PCDH15: variants seen among roughly 807,000 people sequenced by gnomAD.
PCDH15 encodes protocadherin-15.
In PCDH15, 129 loss-of-function variants were observed where a neutral mutation model predicts 178.5. The ratio of observed to expected loss-of-function variants is 0.72; its 90% CI spans 0.63 to 0.84. PCDH15 has a LOEUF of 0.84. Ranked by LOEUF, PCDH15 falls within the 40% of genes least tolerant of loss-of-function variation. The probability of loss-of-function intolerance (pLI) is 0.00; values close to 1 mark genes in which losing one functional copy is unlikely to be tolerated. For synonymous variants in PCDH15, 800 were observed against 732.0 expected (o/e 1.09, Z -1.50); for missense variants, 2,230 against 2,099.9 (o/e 1.06, Z -1.21).
chr10:54,115,527 C>G (rs907729125), intron 15 of PCDH15, among the ~76,000 whole-genome samples: 1 of 152,198 alleles, frequency 6.6e-6, no homozygotes, highest in Admixed American at 6.5e-5. Flanking sequence ...CAAGGTCAAG[C>G]AGCTTTCTGA....
At chr10:54,809,944 A>C (rs1952837927) in intron 3 of PCDH15, among the ~76,000 whole-genome samples, 1 of 152,154 alleles carries the variant, frequency 6.6e-6, no homozygotes, top group Non-Finnish European at 1.5e-5. Context: ...TAGTTTTAAG[A>C]CTTAAAAGTA....
At chr10:55,536,628 G>A (rs559096118) in intron 2 of PCDH15, among the ~76,000 whole-genome samples, 14 of 152,088 alleles carry the variant, frequency 9.2e-5, no homozygotes, top group East Asian at 5.8e-4. Context: ...TCTCTCACCT[G>A]GGGAGAGAAA....
At chr10:54,302,242 G>C (rs535031551) in intron 8 of PCDH15, among the ~76,000 whole-genome samples, 1 of 152,222 alleles carries the variant, frequency 6.6e-6, no homozygotes, top group East Asian at 1.9e-4. Flanking sequence ...ATGTTATTTA[G>C]GTGGTAAAAT....
At chr10:54,948,182 G>A (rs1239366324) in intron 2 of PCDH15, among the ~76,000 whole-genome samples, 1 of 151,942 alleles carries the variant, frequency 6.6e-6, no homozygotes, top group African/African-American at 2.4e-5. Context: ...TCCAGTTTGA[G>A]TCTGACAACC....
intron 3 of PCDH15, among the ~76,000 whole-genome samples, chr10:54,413,444 T>C (rs1022166195): frequency 2.6e-5 from 4 of 152,168 alleles, no homozygotes; most frequent in African/African-American, 9.7e-5. Flanking sequence ...TAATCAACAG[T>C]CTACCAAGGT....
intron 10 of PCDH15, among the ~76,000 whole-genome samples, chr10:54,198,545 A>G (rs1297712607): frequency 1.8e-5 from 1 of 55,758 alleles, no homozygotes; most frequent in Non-Finnish European, 2.6e-5. Flanking sequence ...TCTGTCGCCC[A>G]GGCTGGAGTG....
At chr10:54,971,373 C>T (rs1331752594) in intron 2 of PCDH15, among the ~76,000 whole-genome samples, 1 of 152,122 alleles carries the variant, frequency 6.6e-6, no homozygotes, top group African/African-American at 2.4e-5. Flanking sequence ...GCATTTCTCC[C>T]TGCAGGGACA....
At chr10:53,945,082 T>C (rs979760078) in intron 23 of PCDH15, among the ~76,000 whole-genome samples, 1 of 152,230 alleles carries the variant, frequency 6.6e-6, no homozygotes, top group African/African-American at 2.4e-5. Flanking sequence ...TATTTCCTCA[T>C]TGTTACTATT....
At chr10:54,972,739 C>A (rs1838967409) in intron 2 of PCDH15, among the ~76,000 whole-genome samples, 1 of 148,320 alleles carries the variant, frequency 6.7e-6, no homozygotes, top group African/African-American at 2.5e-5. Context: ...GTCCCAGCTA[C>A]TTGGGAGGCT....
intron 2 of PCDH15, among the ~76,000 whole-genome samples, chr10:54,639,238 G>A (rs1208041261): frequency 6.6e-6 from 1 of 152,052 alleles, no homozygotes; most frequent in Non-Finnish European, 1.5e-5. Context: ...CACTTTGAAA[G>A]TTAATATTAT....
chr10:54,427,248 T>C (rs755419378), intron 3 of PCDH15, among the ~76,000 whole-genome samples: 1 of 148,232 alleles, frequency 6.7e-6, no homozygotes, highest in Non-Finnish European at 1.5e-5. Flanking sequence ...ACTTTTCCTC[T>C]CATTTCTTTC....
intron 1 of PCDH15, among the ~76,000 whole-genome samples, chr10:55,191,831 A>T (rs1839951293): frequency 6.6e-6 from 1 of 151,964 alleles, no homozygotes; most frequent in South Asian, 2.1e-4. Flanking sequence ...TTTCCCAAAC[A>T]ATTTTCATGA....
chr10:54,697,625 A>AGGAAGG (rs1555156335), intron 1 of PCDH15, among the ~76,000 whole-genome samples: 2 of 12,476 alleles, frequency 1.6e-4, no homozygotes, highest in African/African-American at 3.6e-4. Flanking sequence ...GAGAGAGAGA[A>AGGAAGG]AAGGAAGGAA....
intron 3 of PCDH15, among the ~76,000 whole-genome samples, chr10:54,440,262 C>T (rs906393291): frequency 2.0e-5 from 3 of 151,940 alleles, no homozygotes; most frequent in Non-Finnish European, 4.4e-5. Flanking sequence ...GTGTTTAATG[C>T]TTATGCAAAT....
At chr10:55,043,485 G>A (rs1266132119) in intron 2 of PCDH15, among the ~76,000 whole-genome samples, 1 of 151,918 alleles carries the variant, frequency 6.6e-6, no homozygotes, top group Non-Finnish European at 1.5e-5. Flanking sequence ...CAGGCAGGAG[G>A]ATTACTTGAG....
In PCDH15 at chr10:54,931,907, C is replaced by T. The variant is rs147002429; in HGVS notation, c.-79-34407G>A. Among the ~76,000 whole-genome samples the T allele has an allele frequency of 2.0e-5, 3 of 152,254 alleles. No individual in the cohort carries two copies. In the East Asian group the frequency reaches 5.8e-4, roughly 29 times the overall value. Reference sequence around the variant, plus strand: ...GTAAAGAGCAAATGAAGAGTTGCTACTTAACCCTAGGGAAAGAAAATGCAC... The same window carrying T: ...GTAAAGAGCAAATGAAGAGTTGCTATTTAACCCTAGGGAAAGAAAATGCAC... On this transcript the variant is annotated intron_variant, in intron 2 of 5. Transcript: ENST00000458638.
intron 2 of PCDH15, among the ~76,000 whole-genome samples, chr10:55,041,246 T>C (rs375315756): frequency 2.0e-5 from 3 of 152,068 alleles, no homozygotes; most frequent in Non-Finnish European, 2.9e-5. Context: ...AAAATGCAAG[T>C]AGTCACTTTC....
chr10:54,518,622 T>C (rs982574396), intron 3 of PCDH15, among the ~76,000 whole-genome samples: 3 of 152,230 alleles, frequency 2.0e-5, no homozygotes, highest in Non-Finnish European at 2.9e-5. Flanking sequence ...AGCCGAATTC[T>C]ACCAGAGGTA....
At chr10:54,377,134 T>C (rs1948567385) in intron 4 of PCDH15, among the ~76,000 whole-genome samples, 1 of 152,104 alleles carries the variant, frequency 6.6e-6, no homozygotes, top group Non-Finnish European at 1.5e-5. Flanking sequence ...AATTAATAAG[T>C]ATTATAAATA....
Sources: allele counts gnomAD v4.1 joint callset (sites outside exome capture counted in the v4.1 genomes callset), GRCh38; gene constraint gnomAD v4.1.1; transcripts MANE v1.5; gene names NCBI Gene and HGNC (gene_info 2026-07-23, HGNC 2026-07-21).